The following ESR1 variants were observed in gnomAD, a reference collection of about 807,000 sequenced individuals.
ESR1 encodes estrogen receptor 1.
ESR1 carries 12 observed loss-of-function variants against 52.7 expected under a neutral mutation model. That is an observed-to-expected ratio of 0.23 (90% CI 0.15 to 0.37). ESR1 has a LOEUF of 0.37. Among genes scored for constraint, ESR1 ranks in the 10% least tolerant of loss-of-function variants. ESR1 has a pLI of 1.00. For missense variants in ESR1, 584 were observed against 779.7 expected, an observed-to-expected ratio of 0.75 and a Z score of 2.99; for synonymous variants, 305 against 316.8, an observed-to-expected ratio of 0.96 and a Z score of 0.39.
intron 1 of ESR1, among the ~76,000 whole-genome samples, chr6:151,831,211 C>T (rs934197610): frequency 4.0e-5 from 6 of 151,518 alleles, no homozygotes; most frequent in Non-Finnish European, 1.5e-5. Flanking sequence ...GGCACAGTCA[C>T]AGCTCACTGC....
At chr6:152,034,314 TAAA>T in intron 5 of ESR1, among the ~76,000 whole-genome samples, 1 of 151,882 alleles carries the variant, frequency 6.6e-6, no homozygotes, top group Admixed American at 6.6e-5. Flanking sequence ...AATAAATAAA[TAAA>T]TACTAGTTTG....
chr6:152,032,355 C>T (rs531017862), intron 5 of ESR1, among the ~76,000 whole-genome samples: 5 of 152,274 alleles, frequency 3.3e-5, no homozygotes, highest in East Asian at 3.9e-4. Flanking sequence ...CAAATTGTCC[C>T]TGTTTGCAGA....
rs543369190 is a variant in ESR1 at position 151,917,585 on chromosome 6, T to C, written c.761-26588T>C. On this transcript the variant is annotated intron_variant, in intron 3 of 7. Coordinates refer to ENST00000206249, the MANE Select transcript of ESR1 (RefSeq NM_000125.4). ...ACACATGTGGATGCTACTTGCCAGT[T>C]ACTTGATCTAGGCCTTGACTCTTGG... Among the ~76,000 whole-genome samples the C allele has an allele frequency of 4.6e-5, 7 of 152,314 alleles. No homozygotes were observed. The East Asian group carries it at 1.3e-3, about 29-fold the overall frequency.
In ESR1 at chr6:151,811,672, G is replaced by A. The variant is rs146070771; in HGVS notation, c.452+3308G>A. On this transcript the variant is annotated intron_variant, in intron 1 of 7. Transcript: ENST00000206249. ...TTAAGTGACTAAGTTTCAAGTTTCCGATACATTTTTCCTTTTACTTAGATA... is the reference window on the plus strand; with the variant it reads ...TTAAGTGACTAAGTTTCAAGTTTCCAATACATTTTTCCTTTTACTTAGATA... 7.8e-3 allele frequency among the ~76,000 whole-genome samples: 1,191 copies of A among 152,218 alleles called. 16 individuals are homozygous for A. Among genetic ancestry groups the A allele is most frequent in the African/African-American group, 0.026 (1,078 of 41,554 alleles).
chr6:151,762,397 G>T (rs1472876093), intron 2 of ESR1, among the ~76,000 whole-genome samples: 2 of 152,240 alleles, frequency 1.3e-5, no homozygotes, highest in African/African-American at 2.4e-5. Context: ...TAGTTTTGCT[G>T]GTGTGCTGTT....
rs2504067 is a variant in ESR1 at position 151,774,852 on chromosome 6, G to C, written c.-70-32991G>C. Among the ~76,000 whole-genome samples the C allele has an allele frequency of 2.6e-5, 4 of 152,020 alleles. No individual in the cohort carries two copies. The South Asian group carries it at 8.3e-4, about 32-fold the overall frequency. On this transcript the variant is annotated intron_variant, in intron 2 of 2. Transcript: ENST00000404742. Reference sequence around the variant, plus strand: ...GTACATAACCATACATTAAATAACTGTAACACCATTATATAAATAACTAAC... The same window carrying C: ...GTACATAACCATACATTAAATAACTCTAACACCATTATATAAATAACTAAC...
At chr6:151,889,066 G>C in intron 3 of ESR1, among the ~76,000 whole-genome samples, 1 of 152,078 alleles carries the variant, frequency 6.6e-6, no homozygotes, top group Non-Finnish European at 1.5e-5. Flanking sequence ...AATCAATTTT[G>C]CTAGTATTTT....
In ESR1 at chr6:152,125,549, G is replaced by T. The variant is rs987629785; in HGVS notation, c.*201G>T. On this transcript the variant is annotated 3_prime_UTR_variant, in exon 7 of 7. Transcript: ENST00000427531. ...GATAGGATAGCTACCCACAAACTTT[G>T]GATCAAATTTTCTTCAAAACATCCT... is the stretch of plus-strand genomic sequence containing the variant. 7.6e-6 allele frequency: 5 copies of T among 656,090 alleles called. No individual in the cohort carries two copies. The South Asian group carries it at 2.2e-4, about 29-fold the overall frequency. The allele number at this position is 656,090 out of a possible 1,614,324, so 40.6% of individuals were successfully genotyped here. A position where few individuals can be genotyped will look rare whatever the true frequency, so the allele number is the denominator to read the frequency against.
At chr6:151,887,351 A>G (rs905899719) in intron 3 of ESR1, among the ~76,000 whole-genome samples, 4 of 152,040 alleles carry the variant, frequency 2.6e-5, no homozygotes, top group African/African-American at 4.8e-5. Flanking sequence ...CATATAATAG[A>G]TATTTATTAA....
At chr6:151,797,044 A>G (rs1257559257) in intron 2 of ESR1, among the ~76,000 whole-genome samples, 2 of 152,254 alleles carry the variant, frequency 1.3e-5, no homozygotes, top group African/African-American at 4.8e-5. Context: ...GCTAGGACTC[A>G]TGAGATTATA....
At chr6:151,916,673 G>A (rs2030291053) in intron 3 of ESR1, among the ~76,000 whole-genome samples, 2 of 152,124 alleles carry the variant, frequency 1.3e-5, no homozygotes, top group Admixed American at 6.5e-5. Context: ...CTAATACCAG[G>A]ACTTGCCCAG....
Position 151,896,898 on chromosome 6 carries a change from C to T in ESR1, c.760+16127C>T, listed in dbSNP as rs190116971. ...GTTGTGTCACTATTATTGTTCAATTCGAAGAATTTTAAAATTTTCATCTTG... is the reference window on the plus strand; with the variant it reads ...GTTGTGTCACTATTATTGTTCAATTTGAAGAATTTTAAAATTTTCATCTTG... On this transcript the variant is annotated intron_variant, in intron 3 of 7. Transcript: ENST00000206249. Among the ~76,000 whole-genome samples the T allele has an allele frequency of 1.2e-4, 19 of 152,120 alleles. No homozygotes were observed. In the East Asian group the frequency reaches 3.7e-3, roughly 29 times the overall value.
intron 4 of ESR1, among the ~76,000 whole-genome samples, chr6:152,010,860 TCTCCTCCTTCTC>T (rs909112750): frequency 8.6e-5 from 13 of 151,326 alleles, no homozygotes; most frequent in African/African-American, 2.9e-4. Context: ...CAACAAACCT[TCTCCTCCTTCTC>T]CTCCTCCTTC....
intron 2 of ESR1, among the ~76,000 whole-genome samples, chr6:151,732,239 A>G (rs1782301684): frequency 6.6e-6 from 1 of 152,232 alleles, no homozygotes; most frequent in South Asian, 2.1e-4. Context: ...ATAGGGCATG[A>G]GTCTCATCAG....
chr6:151,711,666 G>C (rs963629386), intron 2 of ESR1, among the ~76,000 whole-genome samples: 1 of 152,120 alleles, frequency 6.6e-6, no homozygotes, highest in African/African-American at 2.4e-5. Context: ...CCTTTGAGAA[G>C]TGTCTGTTCA....
intron 2 of ESR1, among the ~76,000 whole-genome samples, chr6:151,732,534 T>TTGTGTGTG (rs3036504): frequency 0.22 from 32,394 of 148,718 alleles, 3,477 homozygotes; most frequent in Non-Finnish European, 0.23. Context: ...GTGTGTGTGT[T>TTGTGTGTG]TGTGTGTGTG....
chr6:151,881,327 T>A (rs1415020661), intron 3 of ESR1, among the ~76,000 whole-genome samples: 1 of 152,200 alleles, frequency 6.6e-6, no homozygotes, highest in Non-Finnish European at 1.5e-5. Context: ...CATAGTTGAT[T>A]ACTGAGCACT....
intron 2 of ESR1, among the ~76,000 whole-genome samples, chr6:151,737,090 C>G (rs947503961): frequency 1.3e-5 from 2 of 152,094 alleles, no homozygotes; most frequent in Non-Finnish European, 2.9e-5. Context: ...GGTAGCCTCC[C>G]TTTGGTATGT....
chr6:151,675,077 T>C (rs993679884), intron 1 of ESR1, among the ~76,000 whole-genome samples: 1 of 152,196 alleles, frequency 6.6e-6, no homozygotes, highest in African/African-American at 2.4e-5. Flanking sequence ...AAGTTATTAA[T>C]AGAAATAACT....
Sources: gnomAD v4.1 joint callset for allele counts (sites outside exome capture counted in the v4.1 genomes callset) on GRCh38, gnomAD v4.1.1 for gene constraint, MANE v1.5 for transcripts, NCBI Gene and HGNC (gene_info 2026-07-23, HGNC 2026-07-21) for gene names.